Variants in SEMA6D observed in about 807,000 individuals in gnomAD.
The protein encoded by SEMA6D is semaphorin 6D.
SEMA6D carries 35 observed loss-of-function variants against 106.6 expected under a neutral mutation model. The observed-to-expected ratio is 0.33, with a 90% CI of 0.25 to 0.44. SEMA6D has a LOEUF of 0.44. Ranked by LOEUF, SEMA6D falls within the 20% of genes least tolerant of loss-of-function variation. The pLI is 1.00. For missense variants in SEMA6D, 1,185 were observed against 1,345.9 expected (o/e 0.88, Z 1.87); for synonymous variants, 499 against 487.7 (o/e 1.02, Z -0.31).
At chr15:47,409,898 G>GT (rs1218031387) in intron 1 of SEMA6D, among the ~76,000 whole-genome samples, 1 of 151,434 alleles carries the variant, frequency 6.6e-6, no homozygotes, top group Non-Finnish European at 1.5e-5. Flanking sequence ...TTTCGGGGTT[G>GT]TGGGGGGGGT....
chr15:47,758,973 A>G (rs1272832465), intron 1 of SEMA6D, among the ~76,000 whole-genome samples: 3 of 152,212 alleles, frequency 2.0e-5, no homozygotes, highest in Non-Finnish European at 4.4e-5. Flanking sequence ...GAAGTTCAAT[A>G]AAGCTAAAAG....
chr15:47,736,810 A>G (rs1036188694), intron 1 of SEMA6D, among the ~76,000 whole-genome samples: 3 of 152,184 alleles, frequency 2.0e-5, no homozygotes, highest in Non-Finnish European at 4.4e-5. Context: ...AATTGCAATC[A>G]GTTTTTTGTT....
At chr15:47,465,289 A>G (rs902869490) in intron 2 of SEMA6D, among the ~76,000 whole-genome samples, 58 of 152,176 alleles carry the variant, frequency 3.8e-4, no homozygotes, top group African/African-American at 1.3e-3. Flanking sequence ...TCTAACTCTA[A>G]CCTCTTTCAC....
intron 3 of SEMA6D, among the ~76,000 whole-genome samples, chr15:47,494,078 A>G (rs751715814): frequency 7.9e-5 from 12 of 152,104 alleles, no homozygotes; most frequent in Non-Finnish European, 1.6e-4. Context: ...GAAGCTTCCC[A>G]CTTGGAAGTG....
At chr15:47,555,121 C>A (rs1391612216) in intron 3 of SEMA6D, among the ~76,000 whole-genome samples, 1 of 152,076 alleles carries the variant, frequency 6.6e-6, no homozygotes, top group Admixed American at 6.6e-5. Context: ...TAGACTTGAG[C>A]CACTTCCCCA....
At chr15:47,690,431 C>T (rs2078561474) in intron 4 of SEMA6D, among the ~76,000 whole-genome samples, 1 of 152,176 alleles carries the variant, frequency 6.6e-6, no homozygotes, top group Non-Finnish European at 1.5e-5. Context: ...TGATTTCAGA[C>T]TTTGTCCACT....
chr15:47,194,864 C>T (rs531378000), intron 1 of SEMA6D, among the ~76,000 whole-genome samples: 2 of 152,106 alleles, frequency 1.3e-5, no homozygotes, highest in South Asian at 2.1e-4. Context: ...AGTATAAAGG[C>T]CTGGAAAGTT....
chr15:47,771,999 T>C lies in SEMA6D; in HGVS notation c.*214T>C, dbSNP rs546528527. The C allele has an allele frequency of 9.1e-5, 51 of 558,810 alleles. No homozygotes were observed. In the South Asian group the frequency reaches 1.3e-3, roughly 15 times the overall value. 34.6% of individuals were successfully genotyped at this position (558,810 alleles called of 1,614,324 possible). A position where few individuals can be genotyped will look rare whatever the true frequency, so the allele number is the denominator to read the frequency against. ...CTTGCCTGAAAACAAAGGAAGGTGCTGGTCATTCCATTTCTTTTGTTTGAA... is the reference window on the plus strand; with the variant it reads ...CTTGCCTGAAAACAAAGGAAGGTGCCGGTCATTCCATTTCTTTTGTTTGAA... On this transcript the variant is annotated 3_prime_UTR_variant, in exon 19 of 19. Coordinates refer to ENST00000536845, the MANE Select transcript of SEMA6D (RefSeq NM_001358351.3).
intron 4 of SEMA6D, among the ~76,000 whole-genome samples, chr15:47,694,890 A>G (rs941758684): frequency 2.6e-5 from 4 of 152,192 alleles, no homozygotes; most frequent in Non-Finnish European, 5.9e-5. Context: ...TATGTATTAC[A>G]ATTATTGAGT....
chr15:47,273,525 A>G (rs1254150248), intron 1 of SEMA6D, among the ~76,000 whole-genome samples: 2 of 152,170 alleles, frequency 1.3e-5, no homozygotes, highest in African/African-American at 2.4e-5. Flanking sequence ...AATAACACCA[A>G]ATCAACATAG....
intron 1 of SEMA6D, among the ~76,000 whole-genome samples, chr15:47,280,271 G>C (rs1332158420): frequency 1.5e-3 from 226 of 152,060 alleles, no homozygotes; most frequent in African/African-American, 4.8e-3. Flanking sequence ...TGTATGTGTA[G>C]AGGAATTTAT....
chr15:47,706,290 G>A (rs971061895), intron 4 of SEMA6D, among the ~76,000 whole-genome samples: 2 of 152,130 alleles, frequency 1.3e-5, no homozygotes, highest in African/African-American at 4.8e-5. Flanking sequence ...AATGAAGTCA[G>A]TTTAAAAGAT....
intron 4 of SEMA6D, among the ~76,000 whole-genome samples, chr15:47,674,654 A>C (rs1169011818): frequency 6.6e-6 from 1 of 152,122 alleles, no homozygotes. Context: ...TTTAAACCGA[A>C]AGGCTAAATT....
At chr15:47,526,748 T>C (rs1365649903) in intron 3 of SEMA6D, among the ~76,000 whole-genome samples, 1 of 152,116 alleles carries the variant, frequency 6.6e-6, no homozygotes, top group African/African-American at 2.4e-5. Flanking sequence ...TTATTTTTTT[T>C]TTTTCTGAGA....
intron 1 of SEMA6D, among the ~76,000 whole-genome samples, chr15:47,209,332 A>G (rs1895328196): frequency 6.6e-6 from 1 of 152,178 alleles, no homozygotes; most frequent in Non-Finnish European, 1.5e-5. Context: ...ATGCTTCCAA[A>G]ATATTTTGGT....
intron 1 of SEMA6D, among the ~76,000 whole-genome samples, chr15:47,753,394 G>A (rs756521406): frequency 1.3e-5 from 2 of 152,254 alleles, no homozygotes; most frequent in East Asian, 3.9e-4. Context: ...CCAAGGTTAC[G>A]ACTTTGCAAG....
intron 1 of SEMA6D, among the ~76,000 whole-genome samples, chr15:47,401,008 T>C (rs2040380501): frequency 6.6e-6 from 1 of 152,190 alleles, no homozygotes; most frequent in South Asian, 2.1e-4. Flanking sequence ...AACAAATTAT[T>C]TAATTTCTTT....
chr15:47,620,662 G>A (rs866374675), intron 4 of SEMA6D, among the ~76,000 whole-genome samples: 8 of 151,788 alleles, frequency 5.3e-5, no homozygotes, highest in East Asian at 3.9e-4. Flanking sequence ...GGAAGTGGTC[G>A]TTGTGGCTGA....
intron 1 of SEMA6D, among the ~76,000 whole-genome samples, chr15:47,719,929 A>G (rs1447091866): frequency 2.0e-5 from 3 of 152,248 alleles, no homozygotes; most frequent in South Asian, 4.1e-4. Context: ...GCTTAGATAA[A>G]TAGAAAATGC....
Sources: gnomAD v4.1 joint callset for allele counts (sites outside exome capture counted in the v4.1 genomes callset) on GRCh38, gnomAD v4.1.1 for gene constraint, MANE v1.5 for transcripts, NCBI Gene and HGNC (gene_info 2026-07-23, HGNC 2026-07-21) for gene names.